The following SVIL variants were observed in gnomAD, a reference collection of about 807,000 sequenced individuals.
SVIL encodes archvillin.
In SVIL, 101 loss-of-function variants were observed where a neutral mutation model predicts 240.4. The ratio of observed to expected loss-of-function variants is 0.42; its 90% CI spans 0.36 to 0.50. The LOEUF is 0.50. SVIL is among the 20% of genes least tolerant of loss of function. SVIL has a pLI of 0.01. For missense variants in SVIL, 2,512 were observed against 2,818.7 expected, an observed-to-expected ratio of 0.89 and a Z score of 2.46; for synonymous variants, 999 against 1,100.0, an observed-to-expected ratio of 0.91 and a Z score of 1.82.
intron 2 of SVIL, among the ~76,000 whole-genome samples, chr10:29,564,716 G>A (rs35500705): frequency 0.064 from 9,747 of 152,168 alleles, 369 homozygotes; most frequent in Admixed American, 0.12. Context: ...TGAAATCTTC[G>A]TCTTTCCATA....
At chr10:29,657,024 A>G (rs1435754154) in intron 3 of SVIL, among the ~76,000 whole-genome samples, 2 of 152,208 alleles carry the variant, frequency 1.3e-5, no homozygotes, top group African/African-American at 4.8e-5. Flanking sequence ...CTTACACATA[A>G]GGAAATTGAA....
At position 29,729,441 on chromosome 10, in the gene SVIL, G is replaced by A. The variant is rs555655506; in HGVS notation, c.-400+6310C>T. Reference sequence around the variant, plus strand: ...TACAGTAGCCATGCTGGGCCTCTGTGTTTATGGAGGTGTGTGTGTGTGTGT... The same window carrying A: ...TACAGTAGCCATGCTGGGCCTCTGTATTTATGGAGGTGTGTGTGTGTGTGT... On this transcript the variant is annotated intron_variant, in intron 1 of 35. Coordinates refer to the SVIL transcript ENST00000375400. 1.8e-4 allele frequency among the ~76,000 whole-genome samples: 24 copies of A among 135,660 alleles called. No homozygotes were observed. The South Asian group carries it at 6.2e-3, about 35-fold the overall frequency. The allele number at this position is 135,660 out of a possible 152,430, so 89.0% of individuals were successfully genotyped here.
chr10:29,640,607 A>C (rs1274597434), intron 3 of SVIL, among the ~76,000 whole-genome samples: 1 of 152,146 alleles, frequency 6.6e-6, no homozygotes, highest in African/African-American at 2.4e-5. Flanking sequence ...CCCATCTCCC[A>C]TCAGGAAACT....
At chr10:29,568,156 A>G (rs1275058632) in intron 2 of SVIL, among the ~76,000 whole-genome samples, 1 of 152,184 alleles carries the variant, frequency 6.6e-6, no homozygotes, top group African/African-American at 2.4e-5. Context: ...AACCTCACTG[A>G]TGACCCTGGA....
Position 29,532,053 on chromosome 10 carries a change from T to C in SVIL, c.1958A>G (p.Glu653Gly). 2 of 1,614,182 alleles carry C rather than the reference T, an allele frequency of 1.2e-6. No homozygotes were observed. The highest frequency in any genetic ancestry group is 1.7e-6 in the Non-Finnish European group (2 of 1,180,020). Residue 653 changes from glutamate to glycine, a missense_variant, in exon 9 of 38, where the codon GAG becomes GGG. Coordinates refer to ENST00000355867, the MANE Select transcript of SVIL (RefSeq NM_021738.3). ...AGTTATAGGTTGGGTTCTAAATCTCTCGGAAGTTTTTCTACTTTCACCAGG... is the reference window on the plus strand; with the variant it reads ...AGTTATAGGTTGGGTTCTAAATCTCCCGGAAGTTTTTCTACTTTCACCAGG... ...FSPGESRKTS[E>G]RFRTQPITSA... is the part of the protein sequence containing the mutation.
chr10:29,722,185 T>C (rs1043949753), intron 1 of SVIL, among the ~76,000 whole-genome samples: 1 of 146,250 alleles, frequency 6.8e-6, no homozygotes, highest in African/African-American at 2.6e-5. Flanking sequence ...TTGCAGTGAC[T>C]GCACTCCAGC....
rs117780792 is a variant in SVIL at position 29,544,224 on chromosome 10, C to T, written c.827+6373G>A. Among the ~76,000 whole-genome samples the T allele has an allele frequency of 1.3e-3, 198 of 152,232 alleles. 1 individual carries two copies. The highest frequency in any genetic ancestry group is 2.0e-3 in the Non-Finnish European group (136 of 68,026). Reference sequence around the variant, plus strand: ...TATATAACAGCTTCTAATTATAAAACGTTAAGAATGGCTATTAACTTTTGA... The same window carrying T: ...TATATAACAGCTTCTAATTATAAAATGTTAAGAATGGCTATTAACTTTTGA... On this transcript the variant is annotated intron_variant, in intron 6 of 37. Transcript: ENST00000355867.
intron 36 of SVIL, 179 bp from the exon 37 acceptor site, chr10:29,458,768 G>T: frequency 2.0e-6 from 1 of 509,624 alleles, no homozygotes; most frequent in Non-Finnish European, 3.2e-6. Context: ...CCCTGCAGTT[G>T]TCTGGACTTT....
At chr10:29,663,329 T>G (rs574521249) in intron 2 of SVIL, among the ~76,000 whole-genome samples, 16 of 152,330 alleles carry the variant, frequency 1.1e-4, no homozygotes, top group African/African-American at 3.8e-4. Context: ...ACATATTAGA[T>G]TTGATGGTGA....
intron 1 of SVIL, among the ~76,000 whole-genome samples, chr10:29,697,014 T>A (rs1245336955): frequency 1.4e-5 from 1 of 70,672 alleles, no homozygotes; most frequent in Admixed American, 1.4e-4. Flanking sequence ...GGGAGGGAGG[T>A]GGGGGGCTCA....
intron 28 of SVIL, 84 bp from the exon 29 acceptor site, chr10:29,480,897 A>G: frequency 7.0e-7 from 1 of 1,432,000 alleles, no homozygotes; most frequent in Non-Finnish European, 9.5e-7. Flanking sequence ...TCAGCTGTTC[A>G]TGGGACAGCA....
At chr10:29,723,110 C>T (rs189846031) in intron 1 of SVIL, among the ~76,000 whole-genome samples, 1 of 152,324 alleles carries the variant, frequency 6.6e-6, no homozygotes, top group East Asian at 1.9e-4. Flanking sequence ...TGGCTCATGC[C>T]TATAATCTCA....
intron 1 of SVIL, among the ~76,000 whole-genome samples, chr10:29,590,264 C>T (rs1477886207): frequency 6.6e-6 from 1 of 151,328 alleles, no homozygotes; most frequent in Non-Finnish European, 1.5e-5. Flanking sequence ...TATTACCAGA[C>T]CTCCTGTCCC....
intron 2 of SVIL, among the ~76,000 whole-genome samples, chr10:29,684,561 G>C (rs939920602): frequency 2.6e-5 from 4 of 152,060 alleles, no homozygotes; most frequent in African/African-American, 9.7e-5. Flanking sequence ...GGAGTGTTTG[G>C]GTTAATATGG....
At chr10:29,562,416 A>G (rs1249581054) in intron 3 of SVIL, among the ~76,000 whole-genome samples, 1 of 152,250 alleles carries the variant, frequency 6.6e-6, no homozygotes, top group Admixed American at 6.5e-5. Flanking sequence ...TGCTCATGAT[A>G]AAGTCTGCAC....
At chr10:29,729,485 GTGTGTGTGTGTA>G (rs1964482551) in intron 1 of SVIL, among the ~76,000 whole-genome samples, 2 of 130,930 alleles carry the variant, frequency 1.5e-5, no homozygotes, top group South Asian at 2.6e-4. Context: ...GTGTGTGTGT[GTGTGTGTGTGTA>G]TGTATGTGGT....
chr10:29,607,419 G>A (rs1222123297), intron 1 of SVIL, among the ~76,000 whole-genome samples: 1 of 152,032 alleles, frequency 6.6e-6, no homozygotes, highest in Admixed American at 6.5e-5. Flanking sequence ...TTTATAAATT[G>A]AGAATGTGTA....
intron 1 of SVIL, among the ~76,000 whole-genome samples, chr10:29,730,897 A>T (rs1662036022): frequency 6.6e-6 from 1 of 152,260 alleles, no homozygotes; most frequent in Non-Finnish European, 1.5e-5. Context: ...ATTTATTCAC[A>T]ATTCACAATA....
At chr10:29,665,154 G>C (rs1198596853) in intron 2 of SVIL, among the ~76,000 whole-genome samples, 1 of 147,920 alleles carries the variant, frequency 6.8e-6, no homozygotes, top group Non-Finnish European at 1.5e-5. Flanking sequence ...TTGAGCTCAG[G>C]AGTTCGAGGC....
Sources: gnomAD v4.1 joint callset for allele counts (sites outside exome capture counted in the v4.1 genomes callset) on GRCh38, gnomAD v4.1.1 for gene constraint, MANE v1.5 for transcripts, NCBI Gene and HGNC (gene_info 2026-07-23, HGNC 2026-07-21) for gene names.